BTRC: variants seen among roughly 807,000 people sequenced by gnomAD.
BTRC encodes beta-transducin repeat containing E3 ubiquitin protein ligase.
A neutral mutation model predicts 85.5 loss-of-function variants in BTRC; 42 were observed. The ratio of observed to expected loss-of-function variants is 0.49; its 90% CI spans 0.38 to 0.64. The LOEUF is 0.64. BTRC is among the 30% of genes least tolerant of loss of function. BTRC has a pLI of 0.00. For synonymous variants in BTRC, 255 were observed against 263.3 expected (o/e 0.97, Z 0.30); for missense variants, 594 against 743.5 (o/e 0.80, Z 2.34).
chr10:101,489,758 T>C (rs766314086), intron 4 of BTRC, among the ~76,000 whole-genome samples: 4 of 152,204 alleles, frequency 2.6e-5, no homozygotes, highest in Non-Finnish European at 5.9e-5. Context: ...ATCTGACTAG[T>C]GTTTCTGCCG....
At chr10:101,377,040 A>G (rs1178364206) in intron 1 of BTRC, among the ~76,000 whole-genome samples, 1 of 152,150 alleles carries the variant, frequency 6.6e-6, no homozygotes. Flanking sequence ...GATAAGAACA[A>G]TTGTATCACT....
intron 4 of BTRC, among the ~76,000 whole-genome samples, chr10:101,505,159 A>ATG: frequency 5.2e-5 from 1 of 19,388 alleles, no homozygotes; most frequent in Admixed American, 5.1e-4. Context: ...ATGTATATGT[A>ATG]TATATATATA....
At chr10:101,503,874 C>G (rs1402552367) in intron 4 of BTRC, among the ~76,000 whole-genome samples, 1 of 152,166 alleles carries the variant, frequency 6.6e-6, no homozygotes, top group African/African-American at 2.4e-5. Context: ...TTTTATAGAA[C>G]ACAGAAATTG....
intron 1 of BTRC, among the ~76,000 whole-genome samples, chr10:101,403,644 G>A (rs9783220): frequency 0.046 from 7,060 of 152,070 alleles, 566 homozygotes; most frequent in African/African-American, 0.16. Context: ...AAACCAGAGT[G>A]CAGTAGCATG....
In BTRC at chr10:101,538,358, T is replaced by A; in HGVS notation, c.1643T>A (p.Leu548Gln). ...DPRAPAGTLC[L>Q]RTLVEHSGRV... ...CGTGCTCCTGCAGGGACACTCTGTC[T>A]ACGGACCCTTGTGGTAAGAGCCTTG... The change falls in exon 13 of 15, where the codon CTA becomes CAA. Residue 548 changes from leucine (L) to glutamine (Q), a missense_variant. Leu to Gln is a moderately radical substitution (Grantham distance 113). Coordinates refer to ENST00000370187, the MANE Select transcript of BTRC (RefSeq NM_033637.4). 1 of 1,613,668 alleles carries A rather than the reference T, an allele frequency of 6.2e-7. No individual in the cohort carries two copies. The highest frequency in any genetic ancestry group is 8.5e-7 in the Non-Finnish European group (1 of 1,179,552).
chr10:101,440,309 A>G (rs1163419823), intron 2 of BTRC, among the ~76,000 whole-genome samples: 2 of 152,176 alleles, frequency 1.3e-5, no homozygotes, highest in South Asian at 2.1e-4. Context: ...AGGAAGCACT[A>G]TTGATGTATG....
At chr10:101,547,313 A>G (rs548889407) in intron 13 of BTRC, among the ~76,000 whole-genome samples, 1 of 151,142 alleles carries the variant, frequency 6.6e-6, no homozygotes, top group South Asian at 2.1e-4. Flanking sequence ...ATAAATAAGT[A>G]AATATATGGT....
chr10:101,522,012 AGCTTTTTTTT>A, intron 5 of BTRC, 142 bp downstream of exon 5: 2 of 170,246 alleles, frequency 1.2e-5, no homozygotes, highest in Non-Finnish European at 2.1e-5. Flanking sequence ...TTTGATATAA[AGCTTTTTTTT>A]TTTTTTTTTT....
intron 3 of BTRC, among the ~76,000 whole-genome samples, chr10:101,466,230 A>G (rs1945368305): frequency 6.6e-6 from 1 of 152,160 alleles, no homozygotes; most frequent in South Asian, 2.1e-4. Flanking sequence ...TCCACTTACC[A>G]TCCTGAGAAC....
At chr10:101,367,006 TTATA>T (rs376110145) in intron 1 of BTRC, among the ~76,000 whole-genome samples, 1 of 40,124 alleles carries the variant, frequency 2.5e-5, no homozygotes, top group Non-Finnish European at 6.2e-5. Flanking sequence ...ATATATATAT[TTATA>T]TATATATTTA....
At position 101,543,465 on chromosome 10, in the gene BTRC, T is replaced by TG. The variant is rs1174211730; in HGVS notation, c.1656+5094_1656+5095insG. 6.3e-5 allele frequency among the ~76,000 whole-genome samples: 9 copies of TG among 143,792 alleles called. No homozygotes were observed. The East Asian group carries it at 1.6e-3, about 25-fold the overall frequency. 94.3% of individuals were successfully genotyped at this position (143,792 alleles called of 152,430 possible). A position where few individuals can be genotyped will look rare whatever the true frequency, so the allele number is the denominator to read the frequency against. ...TATAGTTGGGCCATGTTTTTTTTTG[T>TG]TTTTTTTTTTTCTTAATCCAGCCTG... On this transcript the variant is annotated intron_variant, in intron 13 of 14. Coordinates refer to ENST00000370187, the MANE Select transcript of BTRC (RefSeq NM_033637.4).
intron 1 of BTRC, among the ~76,000 whole-genome samples, chr10:101,376,325 A>C (rs1403434847): frequency 6.6e-6 from 1 of 152,048 alleles, no homozygotes; most frequent in East Asian, 1.9e-4. Context: ...ACTCCATCTC[A>C]ACAACAACAA....
At chr10:101,363,248 G>C (rs184933539) in intron 1 of BTRC, among the ~76,000 whole-genome samples, 156 of 152,234 alleles carry the variant, frequency 1.0e-3, no homozygotes, top group African/African-American at 3.6e-3. Flanking sequence ...TCAAAGTCAT[G>C]CTAGCAGGTA....
At position 101,525,091 on chromosome 10, in the gene BTRC, T is replaced by TGTACA. The variant is rs1449367765; in HGVS notation, c.557-922_557-921insGTACA. Among the ~76,000 whole-genome samples the TGTACA allele has an allele frequency of 4.6e-5, 7 of 152,318 alleles. No homozygotes were observed. In the South Asian group the frequency reaches 1.5e-3, roughly 32 times the overall value. ...TGTAAACAGAAATAACTTTGAATGT[T>TGTACA]TTTATCTCAGTTGTAAATGTAGAAC... On this transcript the variant is annotated intron_variant, in intron 5 of 14. Coordinates refer to ENST00000370187, the MANE Select transcript of BTRC (RefSeq NM_033637.4).
intron 4 of BTRC, among the ~76,000 whole-genome samples, chr10:101,493,435 G>C (rs749970990): frequency 3.3e-5 from 5 of 152,342 alleles, no homozygotes; most frequent in Non-Finnish European, 7.4e-5. Context: ...AGGTCATACT[G>C]TATGTTGCAG....
At chr10:101,507,999 C>G (rs751554930) in intron 4 of BTRC, among the ~76,000 whole-genome samples, 5 of 152,044 alleles carry the variant, frequency 3.3e-5, no homozygotes, top group Non-Finnish European at 1.5e-5. Context: ...AACAAAAGAA[C>G]CTATCACCCT....
At chr10:101,364,035 A>G (rs1942292512) in intron 1 of BTRC, among the ~76,000 whole-genome samples, 1 of 152,182 alleles carries the variant, frequency 6.6e-6, no homozygotes. Flanking sequence ...AAAAGCCCAA[A>G]GTCAAGCAGG....
At chr10:101,394,864 A>C (rs1166414348) in intron 1 of BTRC, among the ~76,000 whole-genome samples, 1 of 152,160 alleles carries the variant, frequency 6.6e-6, no homozygotes, top group Non-Finnish European at 1.5e-5. Flanking sequence ...CATGTAATGC[A>C]TGTCTGCTTA....
intron 5 of BTRC, among the ~76,000 whole-genome samples, chr10:101,522,525 A>G (rs574945652): frequency 8.5e-5 from 12 of 141,834 alleles, no homozygotes; most frequent in Admixed American, 5.4e-4. Context: ...GATTCAAGCA[A>G]TTCTCCTGCC....
Sources: gnomAD v4.1 joint callset for allele counts (sites outside exome capture counted in the v4.1 genomes callset) on GRCh38, gnomAD v4.1.1 for gene constraint, MANE v1.5 for transcripts, NCBI Gene and HGNC (gene_info 2026-07-23, HGNC 2026-07-21) for gene names.